The following GRIK1 variants were observed in gnomAD, a reference collection of about 807,000 sequenced individuals.
GRIK1 encodes glutamate receptor ionotropic, kainate 1.
A neutral mutation model predicts 105.7 loss-of-function variants in GRIK1; 69 were observed. That is an observed-to-expected ratio of 0.65 (90% CI 0.54 to 0.80). GRIK1 has a LOEUF of 0.80. Among genes scored for constraint, GRIK1 ranks in the 30% least tolerant of loss-of-function variants. The pLI is 0.00. For missense variants in GRIK1, 1,109 were observed against 1,167.3 expected, an observed-to-expected ratio of 0.95 and a Z score of 0.73; for synonymous variants, 438 against 431.3, an observed-to-expected ratio of 1.02 and a Z score of -0.19.
chr21:29,782,126 G>A (rs536670644), intron 1 of GRIK1, among the ~76,000 whole-genome samples: 195 of 140,942 alleles, frequency 1.4e-3, no homozygotes, highest in South Asian at 2.5e-3. Context: ...TCGCTGTGTC[G>A]CCCAGGCTGG....
chr21:29,750,571 G>A (rs1397270986), intron 1 of GRIK1, among the ~76,000 whole-genome samples: 1 of 152,150 alleles, frequency 6.6e-6, no homozygotes, highest in Non-Finnish European at 1.5e-5. Flanking sequence ...ACTACTGATT[G>A]CTGAGGCAGA....
intron 7 of GRIK1, among the ~76,000 whole-genome samples, chr21:29,609,726 C>T (rs1466086468): frequency 6.6e-6 from 1 of 152,138 alleles, no homozygotes; most frequent in East Asian, 1.9e-4. Flanking sequence ...ATCAGCTCCC[C>T]TGGTTCTTAG....
rs144985276 is a variant in GRIK1, at chr21:29,744,933, C to T, written c.119-50870G>A. Among the ~76,000 whole-genome samples the T allele has an allele frequency of 8.6e-3, 1,303 of 152,264 alleles. 47 individuals carry two copies. Among genetic ancestry groups the T allele is most frequent in the Admixed American group, 0.069 (1,057 of 15,294 alleles). The stretch of plus-strand genomic sequence containing the variant: ...AGAGAAACGTAGTCACTTGTTGTGA[C>T]GGGCAGTCTTTAGGGTGGCCTCCAA... On this transcript the variant is annotated intron_variant, in intron 1 of 17. Transcript: ENST00000327783.
chr21:29,761,755 T>C (rs1228820082), intron 1 of GRIK1, among the ~76,000 whole-genome samples: 2 of 149,842 alleles, frequency 1.3e-5, no homozygotes, highest in Non-Finnish European at 3.0e-5. Context: ...CTTTCGTTCT[T>C]TTTTTTTTTT....
chr21:29,791,165 T>C (rs558341877), intron 1 of GRIK1, among the ~76,000 whole-genome samples: 15 of 152,214 alleles, frequency 9.9e-5, no homozygotes, highest in African/African-American at 3.4e-4. Context: ...CAAAGAGAAA[T>C]GCTGGACCAG....
chr21:29,596,877 G>T (rs2061424537), intron 8 of GRIK1: 1 of 356,906 alleles, frequency 2.8e-6, no homozygotes, highest in South Asian at 2.8e-5. Context: ...GGTCTTCATT[G>T]TTCCTTAAGA....
intron 1 of GRIK1, among the ~76,000 whole-genome samples, chr21:29,787,145 C>T (rs575579156): frequency 2.0e-5 from 3 of 152,306 alleles, no homozygotes; most frequent in African/African-American, 7.2e-5. Flanking sequence ...CAGGCAAATT[C>T]GCTGTTCAAA....
At chr21:29,670,516 G>A (rs1356557475) in intron 4 of GRIK1, among the ~76,000 whole-genome samples, 1 of 152,092 alleles carries the variant, frequency 6.6e-6, no homozygotes, top group Non-Finnish European at 1.5e-5. Context: ...AGAAAATCTA[G>A]CAGCCCTTCC....
intron 1 of GRIK1, among the ~76,000 whole-genome samples, chr21:29,851,056 C>CTTTTT (rs11301678): frequency 4.1e-5 from 6 of 146,426 alleles, no homozygotes; most frequent in Non-Finnish European, 6.0e-5. Context: ...GAAATGATTT[C>CTTTTT]TTTTTTTTTT....
At chr21:29,768,255 C>A (rs907338799) in intron 1 of GRIK1, among the ~76,000 whole-genome samples, 5 of 152,156 alleles carry the variant, frequency 3.3e-5, no homozygotes, top group African/African-American at 1.2e-4. Context: ...GAAAAAGACA[C>A]TGATGAGTCA....
chr21:29,645,007 G>A (rs985296873), intron 6 of GRIK1, among the ~76,000 whole-genome samples: 9 of 152,272 alleles, frequency 5.9e-5, no homozygotes, highest in Non-Finnish European at 1.2e-4. Flanking sequence ...AGTATATGCC[G>A]TTAACCATAA....
intron 1 of GRIK1, among the ~76,000 whole-genome samples, chr21:29,866,276 A>G (rs901256671): frequency 6.6e-6 from 1 of 152,098 alleles, no homozygotes; most frequent in South Asian, 2.1e-4. Context: ...TTGTAGAGAC[A>G]GGGTCTTGAA....
intron 1 of GRIK1, among the ~76,000 whole-genome samples, chr21:29,900,748 G>A (rs913628183): frequency 6.6e-6 from 1 of 152,090 alleles, no homozygotes; most frequent in Non-Finnish European, 1.5e-5. Flanking sequence ...AAATTAACAA[G>A]GATATCCAGG....
chr21:29,559,937 A>G (rs941265315), intron 15 of GRIK1, among the ~76,000 whole-genome samples: 9 of 152,124 alleles, frequency 5.9e-5, no homozygotes, highest in African/African-American at 2.2e-4. Flanking sequence ...GTAATTTTCC[A>G]TAATTGCCAC....
At chr21:29,657,407 C>A (rs2062875406) in intron 4 of GRIK1, 1 of 152,074 alleles carries the variant, frequency 6.6e-6, no homozygotes, top group Non-Finnish European at 1.5e-5. Flanking sequence ...GGTAAATATT[C>A]ATTTGACATG....
intron 1 of GRIK1, among the ~76,000 whole-genome samples, chr21:29,826,963 G>A (rs146663): frequency 0.029 from 4,483 of 152,074 alleles, 90 homozygotes; most frequent in Middle Eastern, 0.1. Flanking sequence ...TACTCTCATG[G>A]GACCACATGC....
intron 4 of GRIK1, among the ~76,000 whole-genome samples, chr21:29,660,265 G>A (rs1206576072): frequency 6.6e-6 from 1 of 152,134 alleles, no homozygotes; most frequent in African/African-American, 2.4e-5. Context: ...TACGGCCTGA[G>A]CAGCACCAAG....
chr21:29,875,874 T>C (rs974818068), intron 1 of GRIK1, among the ~76,000 whole-genome samples: 2 of 152,168 alleles, frequency 1.3e-5, no homozygotes, highest in African/African-American at 4.8e-5. Context: ...AATTGTCTTC[T>C]TTATGAAAAA....
chr21:29,773,287 T>C (rs2065859816), intron 1 of GRIK1, among the ~76,000 whole-genome samples: 1 of 152,194 alleles, frequency 6.6e-6, no homozygotes, highest in African/African-American at 2.4e-5. Flanking sequence ...GGCTGTATTT[T>C]CTCTAGGCTT....
Sources: gnomAD v4.1 joint callset for allele counts (sites outside exome capture counted in the v4.1 genomes callset) on GRCh38, gnomAD v4.1.1 for gene constraint, MANE v1.5 for transcripts, NCBI Gene and HGNC (gene_info 2026-07-23, HGNC 2026-07-21) for gene names.